MAF: variants seen among roughly 807,000 people sequenced by gnomAD.
MAF encodes the protein MAF bZIP transcription factor, also known as transcription factor Maf.
A neutral mutation model predicts 22.0 loss-of-function variants in MAF; 10 were observed. The ratio of observed to expected loss-of-function variants is 0.45; its 90% CI spans 0.28 to 0.77. The LOEUF (loss-of-function observed/expected upper bound fraction) is 0.77. Ranked by LOEUF, MAF falls within the 30% of genes least tolerant of loss-of-function variation. MAF has a pLI of 0.12. For synonymous variants in MAF, 337 were observed against 255.8 expected (o/e 1.32, Z -3.03); for missense variants, 544 against 548.4 (o/e 0.99, Z 0.08).
the MAF span, among the ~76,000 whole-genome samples, chr16:79,238,455 C>T: frequency 6.6e-6 from 1 of 152,038 alleles, no homozygotes; most frequent in African/African-American, 2.4e-5. Flanking sequence ...TATGACCACA[C>T]AGTAAAGAAA....
the MAF span, among the ~76,000 whole-genome samples, chr16:79,215,036 C>T: frequency 1.3e-5 from 2 of 152,078 alleles, no homozygotes; most frequent in African/African-American, 4.8e-5. Flanking sequence ...AATATGACTA[C>T]AGTCTTGCCA....
At chr16:79,465,969 A>T in the MAF span, among the ~76,000 whole-genome samples, 1 of 152,188 alleles carries the variant, frequency 6.6e-6, no homozygotes, top group African/African-American at 2.4e-5. Flanking sequence ...TGGGCTTGGC[A>T]AACTTGTATT....
At chr16:79,482,067 A>G in the MAF span, among the ~76,000 whole-genome samples, 1 of 152,198 alleles carries the variant, frequency 6.6e-6, no homozygotes, top group Non-Finnish European at 1.5e-5. Flanking sequence ...GCAGGCAAGA[A>G]AAGAAAAAGA....
chr16:79,540,841 A>G, the MAF span, among the ~76,000 whole-genome samples: 3 of 152,102 alleles, frequency 2.0e-5, no homozygotes, highest in Non-Finnish European at 4.4e-5. Flanking sequence ...GTTGGTCTGT[A>G]AAAAATTTAG....
In MAF at chr16:79,598,144, G is replaced by C. The variant is rs1018243209; in HGVS notation, c.1118+641C>G. On this transcript the variant is annotated intron_variant, in intron 1 of 1. Transcript: ENST00000326043. ...AGCTCAATCTCACATGAAGAACTCA[G>C]GAGAAGAAAAAAAAACTTTGCTTTT... 57 of 1,045,950 alleles carry C rather than the reference G, an allele frequency of 5.4e-5. No homozygotes were observed. Among genetic ancestry groups the C allele is most frequent in the African/African-American group, 1.7e-5 (1 of 59,684 alleles). The allele number at this position is 1,045,950 out of a possible 1,614,324, so 64.8% of individuals were successfully genotyped here. A position where few individuals can be genotyped will look rare whatever the true frequency, so the allele number is the denominator to read the frequency against.
chr16:79,407,612 G>C, the MAF span, among the ~76,000 whole-genome samples: 5 of 152,106 alleles, frequency 3.3e-5, no homozygotes, highest in Admixed American at 3.3e-4. Flanking sequence ...CAACAGCTCA[G>C]CCTGTGTTAG....
At chr16:79,533,952 C>T in the MAF span, among the ~76,000 whole-genome samples, 53 of 152,206 alleles carry the variant, frequency 3.5e-4, no homozygotes, top group African/African-American at 1.2e-3. Context: ...GCAAGGAAAG[C>T]CTGGGAAATT....
At chr16:79,520,250 G>C in the MAF span, among the ~76,000 whole-genome samples, 2 of 152,122 alleles carry the variant, frequency 1.3e-5, no homozygotes, top group African/African-American at 4.8e-5. Context: ...GGCACTCCTG[G>C]TTCGAGCCCT....
the MAF span, among the ~76,000 whole-genome samples, chr16:79,555,376 C>G: frequency 7.9e-5 from 12 of 152,144 alleles, no homozygotes; most frequent in Non-Finnish European, 1.6e-4. Context: ...CTTTTGATAC[C>G]TGATCCCTTC....
the MAF span, among the ~76,000 whole-genome samples, chr16:79,305,265 G>T: frequency 1.3e-5 from 2 of 152,184 alleles, no homozygotes; most frequent in African/African-American, 4.8e-5. Context: ...GAACCGGGCG[G>T]CCAAGCTGCA....
the MAF span, among the ~76,000 whole-genome samples, chr16:79,576,420 G>T: frequency 6.6e-6 from 1 of 152,070 alleles, no homozygotes; most frequent in Admixed American, 6.6e-5. Context: ...ATGCATGTTA[G>T]TATACAAAGC....
chr16:79,452,542 CT>C, the MAF span, among the ~76,000 whole-genome samples: 7 of 152,074 alleles, frequency 4.6e-5, no homozygotes, highest in African/African-American at 7.2e-5. Flanking sequence ...TATAAGATGA[CT>C]TTTTTTCAGT....
chr16:79,260,165 T>G, the MAF span, among the ~76,000 whole-genome samples: 1 of 152,246 alleles, frequency 6.6e-6, no homozygotes, highest in Non-Finnish European at 1.5e-5. Context: ...TGTTTGTTTA[T>G]TTTGAGACAG....
the MAF span, among the ~76,000 whole-genome samples, chr16:79,228,074 C>A: frequency 6.6e-6 from 1 of 151,976 alleles, no homozygotes; most frequent in Non-Finnish European, 1.5e-5. Flanking sequence ...CAGCTAAGTA[C>A]TTAGTTTTTG....
the MAF span, among the ~76,000 whole-genome samples, chr16:79,399,982 A>G: frequency 7.6e-6 from 1 of 131,764 alleles, no homozygotes; most frequent in Non-Finnish European, 1.8e-5. Flanking sequence ...CATAACCAAG[A>G]CCACCATTTC....
At chr16:79,513,459 C>G in the MAF span, among the ~76,000 whole-genome samples, 2 of 152,218 alleles carry the variant, frequency 1.3e-5, no homozygotes, top group Non-Finnish European at 2.9e-5. Context: ...TAAGCTGCTC[C>G]TGGAGCACAG....
At chr16:79,346,424 T>A in the MAF span, among the ~76,000 whole-genome samples, 11 of 152,042 alleles carry the variant, frequency 7.2e-5, no homozygotes, top group African/African-American at 2.4e-4. Context: ...TTGGCTACAA[T>A]GAATACTGCT....
At chr16:79,561,209 T>G in the MAF span, among the ~76,000 whole-genome samples, 2 of 152,174 alleles carry the variant, frequency 1.3e-5, no homozygotes, top group African/African-American at 4.8e-5. Context: ...TATGCTTTTC[T>G]CTTGTTCATC....
chr16:79,277,843 T>C, the MAF span, among the ~76,000 whole-genome samples: 4 of 152,140 alleles, frequency 2.6e-5, no homozygotes, highest in South Asian at 8.3e-4. Context: ...TCACAAGGTG[T>C]CTGGTCTTTA....
Sources: allele counts gnomAD v4.1 joint callset (sites outside exome capture counted in the v4.1 genomes callset), GRCh38; gene constraint gnomAD v4.1.1; transcripts MANE v1.5; gene names NCBI Gene and HGNC (gene_info 2026-07-23, HGNC 2026-07-21).